The following PTPRG variants were observed in gnomAD, a reference collection of about 807,000 sequenced individuals.
The protein encoded by PTPRG is receptor-type tyrosine-protein phosphatase gamma.
Under a neutral mutation model 165.3 loss-of-function variants are expected in PTPRG, and 102 were observed. That is an observed-to-expected ratio of 0.62 (90% CI 0.53 to 0.73). The LOEUF (loss-of-function observed/expected upper bound fraction) is 0.73. PTPRG is among the 30% of genes least tolerant of loss of function. The pLI, the probability that PTPRG is intolerant of heterozygous loss-of-function variation, is 0.00. For missense variants in PTPRG, 1,866 were observed against 1,861.4 expected (o/e 1.00, Z -0.05); for synonymous variants, 675 against 669.5 (o/e 1.01, Z -0.13).
At chr3:62,061,260 A>G (rs1700800537) in intron 4 of PTPRG, among the ~76,000 whole-genome samples, 1 of 152,238 alleles carries the variant, frequency 6.6e-6, no homozygotes, top group African/African-American at 2.4e-5. Flanking sequence ...GAGTGTGTTC[A>G]CTGTTGTGTA....
At chr3:61,916,325 G>A (rs892027369) in intron 2 of PTPRG, among the ~76,000 whole-genome samples, 2 of 152,138 alleles carry the variant, frequency 1.3e-5, no homozygotes, top group Admixed American at 6.5e-5. Flanking sequence ...ACATAGGGTG[G>A]TGTTGAAAAT....
chr3:62,187,785 C>A (rs930109122), intron 8 of PTPRG, among the ~76,000 whole-genome samples: 1 of 152,174 alleles, frequency 6.6e-6, no homozygotes, highest in African/African-American at 2.4e-5. Flanking sequence ...AGACATCTCT[C>A]ATCAGACTGC....
intron 1 of PTPRG, among the ~76,000 whole-genome samples, chr3:61,594,710 T>C (rs1449713042): frequency 1.3e-5 from 2 of 152,210 alleles, no homozygotes; most frequent in Non-Finnish European, 2.9e-5. Flanking sequence ...GGGTTGGTTG[T>C]GCCAGTGGCG....
At chr3:62,065,102 C>A (rs563662719) in intron 4 of PTPRG, among the ~76,000 whole-genome samples, 221 of 152,160 alleles carry the variant, frequency 1.5e-3, no homozygotes, top group African/African-American at 5.1e-3. Flanking sequence ...ATCCATAAAT[C>A]CAGTGTTACG....
intron 1 of PTPRG, among the ~76,000 whole-genome samples, chr3:61,710,478 C>CT (rs1409875201): frequency 6.6e-6 from 1 of 152,160 alleles, no homozygotes; most frequent in African/African-American, 2.4e-5. Flanking sequence ...CTCTTAGTCT[C>CT]TTGACTAGTA....
chr3:61,980,905 C>T (rs2040626202), intron 2 of PTPRG, among the ~76,000 whole-genome samples: 1 of 152,164 alleles, frequency 6.6e-6, no homozygotes, highest in Admixed American at 6.5e-5. Flanking sequence ...GCCTCTTCTC[C>T]CCTACAGGCT....
chr3:61,612,603 C>T (rs890689899), intron 1 of PTPRG, among the ~76,000 whole-genome samples: 1 of 152,206 alleles, frequency 6.6e-6, no homozygotes, highest in Non-Finnish European at 1.5e-5. Context: ...CACCTTTATG[C>T]ATTCTCTAGC....
In PTPRG at chr3:61,945,560, C is replaced by CAAAAAAAAAAAAA. The variant is rs71123242; in HGVS notation, c.191-44048_191-44036dup. Among the ~76,000 whole-genome samples the CAAAAAAAAAAAAA allele has an allele frequency of 8.5e-4, 47 of 55,464 alleles. 2 individuals carry two copies. The highest frequency in any genetic ancestry group is 1.2e-3 in the African/African-American group (17 of 14,338). 36.4% of individuals were successfully genotyped at this position (55,464 alleles called of 152,430 possible). ...GGCAATAGGAATGAAACTCCGTCAC[C>CAAAAAAAAAAAAA]AAAAAAAAAAAAAAAAAAAAAAAAA... On this transcript the variant is annotated intron_variant, in intron 2 of 29. Coordinates refer to ENST00000474889, the MANE Select transcript of PTPRG (RefSeq NM_002841.4).
At chr3:61,903,296 A>C (rs946362257) in intron 2 of PTPRG, among the ~76,000 whole-genome samples, 2 of 152,166 alleles carry the variant, frequency 1.3e-5, no homozygotes, top group Non-Finnish European at 2.9e-5. Context: ...TCTGCATGAC[A>C]CTGCTTTACA....
At chr3:62,211,940 A>G (rs540858259) in intron 12 of PTPRG, among the ~76,000 whole-genome samples, 1 of 152,164 alleles carries the variant, frequency 6.6e-6, no homozygotes, top group South Asian at 2.1e-4. Context: ...TATGCCACTG[A>G]AAACTGTTTT....
chr3:62,256,980 A>C lies in PTPRG; in HGVS notation c.2559+1765A>C. Among the ~76,000 whole-genome samples the C allele has an allele frequency of 1.3e-5, 2 of 152,164 alleles. 1 individual carries two copies. Among genetic ancestry groups the C allele is most frequent in the Middle Eastern group, 6.3e-3 (2 of 316 alleles). On this transcript the variant is annotated intron_variant, in intron 16 of 29. Coordinates refer to ENST00000474889, the MANE Select transcript of PTPRG (RefSeq NM_002841.4). The stretch of plus-strand genomic sequence containing the variant: ...TCGCCTACATTGAACTTTAGAGCTT[A>C]AATAGTATTAGCTGATACTTATGGG...
At chr3:62,085,056 A>C (rs1363653127) in intron 5 of PTPRG, among the ~76,000 whole-genome samples, 1 of 152,194 alleles carries the variant, frequency 6.6e-6, no homozygotes, top group African/African-American at 2.4e-5. Context: ...AACTCTCTGA[A>C]GTTGAAGTCT....
chr3:61,960,145 T>G (rs763916408), intron 2 of PTPRG, among the ~76,000 whole-genome samples: 2 of 152,152 alleles, frequency 1.3e-5, no homozygotes, highest in African/African-American at 4.8e-5. Context: ...TACACAAGTT[T>G]GTGTTAGTTT....
At chr3:62,142,334 G>C (rs1352958031) in intron 6 of PTPRG, among the ~76,000 whole-genome samples, 1 of 152,070 alleles carries the variant, frequency 6.6e-6, no homozygotes, top group African/African-American at 2.4e-5. Flanking sequence ...GTGACTTCTT[G>C]GGGGTGGATG....
At chr3:62,125,382 C>A (rs1576033886) in intron 5 of PTPRG, among the ~76,000 whole-genome samples, 1 of 152,050 alleles carries the variant, frequency 6.6e-6, no homozygotes, top group Non-Finnish European at 1.5e-5. Context: ...GATTTCGAGC[C>A]TTTTGTAAAT....
intron 5 of PTPRG, among the ~76,000 whole-genome samples, chr3:62,107,875 G>A (rs570791264): frequency 2.6e-5 from 4 of 152,202 alleles, no homozygotes; most frequent in African/African-American, 9.6e-5. Context: ...ATGCCTTATA[G>A]ACTTTTTAGC....
chr3:61,863,041 A>T (rs2037315119), intron 2 of PTPRG, among the ~76,000 whole-genome samples: 1 of 140,534 alleles, frequency 7.1e-6, no homozygotes, highest in South Asian at 2.7e-4. Context: ...AAGACCTGGC[A>T]CCTTTTTCTG....
At chr3:61,826,382 T>C (rs1331123716) in intron 2 of PTPRG, among the ~76,000 whole-genome samples, 1 of 152,078 alleles carries the variant, frequency 6.6e-6, no homozygotes, top group African/African-American at 2.4e-5. Flanking sequence ...GACATGCGGG[T>C]TATTGTTGAT....
intron 1 of PTPRG, among the ~76,000 whole-genome samples, chr3:61,622,677 C>A (rs1267835657): frequency 6.6e-6 from 1 of 152,032 alleles, no homozygotes; most frequent in African/African-American, 2.4e-5. Flanking sequence ...CAAGGTAAAA[C>A]TTTTCGTGTC....
Sources: gnomAD v4.1 joint callset for allele counts (sites outside exome capture counted in the v4.1 genomes callset) on GRCh38, gnomAD v4.1.1 for gene constraint, MANE v1.5 for transcripts, NCBI Gene and HGNC (gene_info 2026-07-23, HGNC 2026-07-21) for gene names.